The following CSMD3 variants were observed in gnomAD, a reference collection of about 807,000 sequenced individuals.
CSMD3 encodes the protein CUB and Sushi multiple domains 3, also known as CUB and sushi domain-containing protein 3.
CSMD3 carries 177 observed loss-of-function variants against 435.2 expected under a neutral mutation model. The ratio of observed to expected loss-of-function variants is 0.41; its 90% CI spans 0.36 to 0.46. The LOEUF (loss-of-function observed/expected upper bound fraction) is 0.46. CSMD3 is among the 20% of genes least tolerant of loss of function. The probability of loss-of-function intolerance (pLI) is 0.34; values close to 1 mark genes in which losing one functional copy is unlikely to be tolerated. For synonymous variants in CSMD3, 1,656 were observed against 1,520.5 expected, an observed-to-expected ratio of 1.09 and a Z score of -2.07; for missense variants, 4,265 against 4,504.6, an observed-to-expected ratio of 0.95 and a Z score of 1.52.
At chr8:112,619,836 T>G (rs1164333077) in intron 22 of CSMD3, among the ~76,000 whole-genome samples, 1 of 152,104 alleles carries the variant, frequency 6.6e-6, no homozygotes, top group Non-Finnish European at 1.5e-5. Context: ...TTCGATCATG[T>G]GATCAAACAG....
In CSMD3 at chr8:112,971,238, A is replaced by G. The variant is rs149123492; in HGVS notation, c.1342+4599T>C. Among the ~76,000 whole-genome samples, 13 of 152,328 alleles carry G rather than the reference A, an allele frequency of 8.5e-5. No homozygotes were observed. In the East Asian group the frequency reaches 2.5e-3, roughly 29 times the overall value. On this transcript the variant is annotated intron_variant, in intron 7 of 70. Coordinates refer to ENST00000297405, the MANE Select transcript of CSMD3 (RefSeq NM_198123.2). Reference sequence around the variant, plus strand: ...GTTCATTCTCATGTACCTGCTATCCAGTACAATGTCATGCACATCACAAGA... The same window carrying G: ...GTTCATTCTCATGTACCTGCTATCCGGTACAATGTCATGCACATCACAAGA...
chr8:113,374,448 G>A (rs1372513935), intron 1 of CSMD3, among the ~76,000 whole-genome samples: 1 of 151,964 alleles, frequency 6.6e-6, no homozygotes, highest in African/African-American at 2.4e-5. Context: ...GAGATAAGAA[G>A]GTTGGTGCTA....
At chr8:112,424,019 T>C (rs1246612430) in intron 32 of CSMD3, among the ~76,000 whole-genome samples, 1 of 152,224 alleles carries the variant, frequency 6.6e-6, no homozygotes, top group Non-Finnish European at 1.5e-5. Flanking sequence ...CAAATTTTAT[T>C]CATAGAATTC....
chr8:112,656,169 T>G lies in CSMD3; in HGVS notation c.2989A>C (p.Lys997Gln). The G allele has an allele frequency of 6.4e-7, 1 of 1,553,278 alleles. No homozygotes were observed. The highest frequency in any genetic ancestry group is 8.9e-7 in the Non-Finnish European group (1 of 1,125,460). The change falls in exon 18 of 71, where the codon AAG (lysine) becomes CAG (glutamine). Residue 997 changes from lysine to glutamine, a missense_variant. By Grantham distance (53) the Lys-to-Gln change is moderately conservative (BLOSUM62 1). Transcript: ENST00000297405. ...CATTACTTACTTTCATAATGAATCT[T>G]GAAACCATTATTGGAACGACTGTTG... is the stretch of plus-strand genomic sequence containing the variant. ...TDNSRSNNGFKIHYESVTVNT... is the reference protein window; with the variant it reads ...TDNSRSNNGFQIHYESVTVNT...
intron 19 of CSMD3, among the ~76,000 whole-genome samples, chr8:112,649,849 T>C (rs578165922): frequency 6.6e-6 from 1 of 152,222 alleles, no homozygotes; most frequent in South Asian, 2.1e-4. Flanking sequence ...CTCATACAAA[T>C]TTGGCATTTT....
chr8:113,241,634 A>G (rs1053433978), intron 3 of CSMD3, among the ~76,000 whole-genome samples: 1 of 152,010 alleles, frequency 6.6e-6, no homozygotes, highest in African/African-American at 2.4e-5. Flanking sequence ...TCAGTACAAA[A>G]GACTTAGTTG....
At chr8:113,279,716 G>C (rs2093598867) in intron 2 of CSMD3, among the ~76,000 whole-genome samples, 1 of 151,514 alleles carries the variant, frequency 6.6e-6, no homozygotes, top group South Asian at 2.1e-4. Flanking sequence ...ATCATTATGA[G>C]GATTTGAGGT....
chr8:112,533,655 A>G (rs1825758001), intron 27 of CSMD3, among the ~76,000 whole-genome samples: 1 of 152,054 alleles, frequency 6.6e-6, no homozygotes, highest in Non-Finnish European at 1.5e-5. Flanking sequence ...AGAGAGAAAG[A>G]ACAGTACAAT....
chr8:113,214,806 C>T (rs1203087046), intron 3 of CSMD3, among the ~76,000 whole-genome samples: 3 of 151,640 alleles, frequency 2.0e-5, no homozygotes, highest in Non-Finnish European at 4.4e-5. Context: ...AAATGTTATT[C>T]AACCAAAATT....
At chr8:113,410,148 TTTTG>T (rs775835954) in intron 1 of CSMD3, among the ~76,000 whole-genome samples, 11 of 152,174 alleles carry the variant, frequency 7.2e-5, no homozygotes, top group African/African-American at 1.2e-4. Flanking sequence ...GTAAGTTTGT[TTTTG>T]TTTGTTTGTT....
intron 5 of CSMD3, among the ~76,000 whole-genome samples, chr8:113,059,759 G>C (rs1008455232): frequency 6.6e-6 from 1 of 152,192 alleles, no homozygotes; most frequent in East Asian, 1.9e-4. Context: ...AACAAAGAAA[G>C]GAAGACAGAG....
At chr8:113,297,228 C>A (rs2093729494) in intron 2 of CSMD3, among the ~76,000 whole-genome samples, 1 of 151,980 alleles carries the variant, frequency 6.6e-6, no homozygotes, top group South Asian at 2.1e-4. Flanking sequence ...TCTATTAGGT[C>A]TCAATACCTA....
intron 12 of CSMD3, among the ~76,000 whole-genome samples, chr8:112,802,025 A>G (rs1004289839): frequency 2.0e-5 from 3 of 151,992 alleles, no homozygotes; most frequent in Non-Finnish European, 4.4e-5. Context: ...CTTGCAAGCT[A>G]AATTGTTCCC....
chr8:113,082,984 T>C (rs2089627312), intron 5 of CSMD3, among the ~76,000 whole-genome samples: 2 of 151,752 alleles, frequency 1.3e-5, no homozygotes, highest in Non-Finnish European at 1.5e-5. Flanking sequence ...CTTTTGGGAG[T>C]TCTAGAAGAA....
chr8:112,627,406 G>A (rs1333784237), intron 22 of CSMD3, among the ~76,000 whole-genome samples: 3 of 152,088 alleles, frequency 2.0e-5, no homozygotes, highest in East Asian at 3.9e-4. Context: ...ATTCTTTCTC[G>A]TGTGAGAGTC....
At chr8:112,386,622 C>T (rs1442860640) in intron 36 of CSMD3, among the ~76,000 whole-genome samples, 1 of 151,974 alleles carries the variant, frequency 6.6e-6, no homozygotes, top group Non-Finnish European at 1.5e-5. Context: ...CTCAGCCTCC[C>T]GAGTAGCTGG....
intron 4 of CSMD3, among the ~76,000 whole-genome samples, chr8:113,147,460 C>T (rs1206546724): frequency 6.6e-6 from 1 of 151,614 alleles, no homozygotes; most frequent in Non-Finnish European, 1.5e-5. Context: ...TCTGATGTCT[C>T]TGCTTTTTTA....
intron 1 of CSMD3, among the ~76,000 whole-genome samples, chr8:113,356,471 T>C (rs1357741234): frequency 6.6e-6 from 1 of 152,100 alleles, no homozygotes; most frequent in Non-Finnish European, 1.5e-5. Flanking sequence ...ATTTCTACCT[T>C]TACAGGGAAG....
intron 5 of CSMD3, among the ~76,000 whole-genome samples, chr8:113,079,646 G>T (rs1028833487): frequency 6.6e-6 from 1 of 152,046 alleles, no homozygotes; most frequent in African/African-American, 2.4e-5. Flanking sequence ...AAATCATGTA[G>T]ACATGATACA....
Sources: allele counts gnomAD v4.1 joint callset (sites outside exome capture counted in the v4.1 genomes callset), GRCh38; gene constraint gnomAD v4.1.1; transcripts MANE v1.5; gene names NCBI Gene and HGNC (gene_info 2026-07-23, HGNC 2026-07-21).